RBM14: variants seen among roughly 807,000 people sequenced by gnomAD.
RBM14 encodes RNA-binding protein 14.
In RBM14, 5 loss-of-function variants were observed where a neutral mutation model predicts 52.8. That is an observed-to-expected ratio of 0.09 (90% CI 0.05 to 0.20). The LOEUF is 0.20. Ranked by LOEUF, RBM14 falls within the 10% of genes least tolerant of loss-of-function variation. The pLI, the probability that RBM14 is intolerant of heterozygous loss-of-function variation, is 1.00. For missense variants in RBM14, 780 were observed against 926.6 expected (o/e 0.84, Z 2.05); for synonymous variants, 411 against 401.8 (o/e 1.02, Z -0.28).
At position 66,618,247 on chromosome 11, in the gene RBM14, T is replaced by C. The variant is rs143799401; in HGVS notation, c.337+1190T>C. On this transcript the variant is annotated intron_variant, in intron 1 of 2. Transcript: ENST00000310137. ...TTGGAAGATGCAGCCTGGGAGTATC[T>C]GATGCCCTACTCCTGGTGGGTTCAT... Among the ~76,000 whole-genome samples the C allele has an allele frequency of 4.2e-3, 632 of 152,266 alleles. 4 individuals carry two copies. Among genetic ancestry groups the C allele is most frequent in the African/African-American group, 0.014 (598 of 41,544 alleles).
rs1937676359 is a variant in RBM14, at chr11:66,624,098, G to A, written c.338-116G>A. The A allele has an allele frequency of 1.3e-6, 2 of 1,515,084 alleles. No individual in the cohort carries two copies. Among genetic ancestry groups the A allele is most frequent in the African/African-American group, 1.4e-5 (1 of 72,080 alleles). The allele number at this position is 1,515,084 out of a possible 1,614,324, so 93.9% of individuals were successfully genotyped here. ...GACATACTCCTGGAGAGGAGGGTTT[G>A]GAGGCCTTGGAGGTAGCTGGCAACA... On this transcript the variant is annotated intron_variant, in intron 1 of 2. Coordinates refer to ENST00000310137, the MANE Select transcript of RBM14 (RefSeq NM_006328.4). This position sits in a 1 kb window ranked among gnomAD's most constrained non-coding sequence, Gnocchi z 4.7.
In RBM14 at chr11:66,626,658, G is replaced by A. The variant is rs933768154; in HGVS notation, c.2000G>A (p.Arg667His). 3.7e-6 allele frequency: 6 copies of A among 1,606,246 alleles called. No homozygotes were observed. Among genetic ancestry groups the A allele is most frequent in the South Asian group, 1.1e-5 (1 of 90,462 alleles). ...RAAQMHSGYQRRM is the reference protein window; with the variant it reads ...RAAQMHSGYQHRM ...GCTCAGATGCACTCTGGCTACCAGCGCCGCATGTAGGGCCATCCTGGGATG... is the reference window on the plus strand; with the variant it reads ...GCTCAGATGCACTCTGGCTACCAGCACCGCATGTAGGGCCATCCTGGGATG... Residue 667 changes from arginine (R) to histidine (H), a missense_variant, in exon 3 of 3, where the codon CGC becomes CAC. Coordinates refer to ENST00000310137, the MANE Select transcript of RBM14 (RefSeq NM_006328.4).
chr11:66,621,817 A>G (rs1859125373), intron 1 of RBM14, among the ~76,000 whole-genome samples: 1 of 152,158 alleles, frequency 6.6e-6, no homozygotes, highest in African/African-American at 2.4e-5. Flanking sequence ...CTTATTCTGT[A>G]GCTGTTCATA....
chr11:66,618,515 A>T (rs922162990), intron 1 of RBM14: 4 of 717,370 alleles, frequency 5.6e-6, no homozygotes, highest in Non-Finnish European at 1.0e-5. Flanking sequence ...GTCCACGACT[A>T]TCCGGAATCG....
At position 66,629,730 on chromosome 11, in the gene RBM14, A is replaced by T. The variant is rs1263367504; in HGVS notation, c.*3062A>T. The stretch of plus-strand genomic sequence containing the variant: ...AAAGTCTATAGTTTTCCAGAAAATA[A>T]TTCTTAAAACTGGGTTTTATGTCTA... On this transcript the variant is annotated 3_prime_UTR_variant, in exon 3 of 3. Coordinates refer to ENST00000310137, the MANE Select transcript of RBM14 (RefSeq NM_006328.4). Among the ~76,000 whole-genome samples the T allele has an allele frequency of 1.3e-5, 2 of 152,130 alleles. No homozygotes were observed. The highest frequency in any genetic ancestry group is 4.8e-5 in the African/African-American group (2 of 41,424).
chr11:66,621,295 A>G (rs1190350311), intron 1 of RBM14, among the ~76,000 whole-genome samples: 2 of 152,154 alleles, frequency 1.3e-5, no homozygotes, highest in African/African-American at 4.8e-5. Context: ...TGCCTAGGCC[A>G]AAGGAAACAC....
In RBM14 at chr11:66,624,654, G is replaced by A. The variant is rs1937703032; in HGVS notation, c.778G>A (p.Gly260Ser). The A allele has an allele frequency of 1.2e-6, 2 of 1,613,346 alleles. No individual in the cohort carries two copies. Among genetic ancestry groups the A allele is most frequent in the Non-Finnish European group, 1.7e-6 (2 of 1,179,938 alleles). Reference sequence around the variant, plus strand: ...CCAGCCTTCTGCCTCTTTGGGTGTTGGCTATCGGACTCAGCCCATGACAGC... The same window carrying A: ...CCAGCCTTCTGCCTCTTTGGGTGTTAGCTATCGGACTCAGCCCATGACAGC... ...RAQPSASLGV[G>S]YRTQPMTAQA... The change falls in exon 2 of 3, where the codon GGC becomes AGC. Residue 260 changes from glycine (G) to serine (S), a missense_variant. Gly to Ser is a moderately conservative substitution (Grantham distance 56, BLOSUM62 0). This residue lies in a region of RBM14 where 675 missense variants were observed against 697.3 expected (regional missense o/e 0.97). Coordinates refer to ENST00000310137, the MANE Select transcript of RBM14 (RefSeq NM_006328.4). The surrounding 1 kb of genome is among the most constrained non-coding windows in gnomAD (Gnocchi z 4.7).
At position 66,625,007 on chromosome 11, in the gene RBM14, C is replaced by T. The variant is rs372134176; in HGVS notation, c.1131C>T (p.Tyr377=). ...GAGCAGCTTCCTCCTTAGGCTCCTA[C>T]GGGGCTCAGGCAGCCTCCTATGGGG... The part of the protein sequence containing the change: ...TQGAASSLGS[Y]GAQAASYGAQ... Residue 377 remains tyrosine (Y), a synonymous_variant, in exon 2 of 3, where the codon TAC becomes TAT. Transcript: ENST00000310137. This position sits in a 1 kb window ranked among gnomAD's most constrained non-coding sequence, Gnocchi z 4.2. 52 of 1,613,512 alleles carry T rather than the reference C, an allele frequency of 3.2e-5. No individual in the cohort carries two copies. Among genetic ancestry groups the T allele is most frequent in the Admixed American group, 1.8e-4 (11 of 59,980 alleles).
chr11:66,624,218 C>T lies in RBM14; in HGVS notation c.342C>T (p.Tyr114=), dbSNP rs1312268793. 5.7e-6 allele frequency: 9 copies of T among 1,582,362 alleles called. No individual in the cohort carries two copies. The highest frequency in any genetic ancestry group is 4.5e-5 in the East Asian group (2 of 44,458). ...CTCTGTCTGCTGCTTTATCAGACTA[C>T]GCGTTTGTTCACATGGAGAAGGAAG... ...RVIECDVVKD[Y]AFVHMEKEAD... is the part of the protein sequence containing the mutation. The change falls in exon 2 of 3, where the codon TAC becomes TAT. Residue 114 remains tyrosine, a synonymous_variant. Coordinates refer to ENST00000310137, the MANE Select transcript of RBM14 (RefSeq NM_006328.4). This position sits in a 1 kb window ranked among gnomAD's most constrained non-coding sequence, Gnocchi z 4.7.
rs566035878 is a variant in RBM14 at position 66,624,528 on chromosome 11, C to A, written c.652C>A (p.Arg218Ser). Residue 218 changes from arginine (R) to serine (S), a missense_variant, in exon 2 of 3, where the codon CGC becomes AGC. Transcript: ENST00000310137. This position sits in a 1 kb window ranked among gnomAD's most constrained non-coding sequence, Gnocchi z 4.7. ...CTTTGGTCGCGACCGCAGCCCTCTG[C>A]GCCGTTCACCTCCCCGAGCCTCTTA... ...PFFGRDRSPL[R>S]RSPPRASYVA... 1 of 1,613,506 alleles carries A rather than the reference C, an allele frequency of 6.2e-7. No individual in the cohort carries two copies. The highest frequency in any genetic ancestry group is 1.3e-5 in the African/African-American group (1 of 75,038).
chr11:66,626,274 C>T (rs1173413546), intron 2 of RBM14, among the ~76,000 whole-genome samples, 187 bp from the exon 3 acceptor site: 1 of 152,188 alleles, frequency 6.6e-6, no homozygotes, highest in Non-Finnish European at 1.5e-5. Flanking sequence ...TGATTTCCCA[C>T]TGAGTTGAAG....
Position 66,626,551 on chromosome 11 carries a change from C to G in RBM14, c.1893C>G (p.Ser631=). 1 of 1,614,042 alleles carries G rather than the reference C, an allele frequency of 6.2e-7. No homozygotes were observed. Among genetic ancestry groups the G allele is most frequent in the Non-Finnish European group, 8.5e-7 (1 of 1,180,042 alleles). The part of the protein sequence containing the change: ...QLSFRRSPTK[S]SLDYRRLPDA... ...CGTTCCGCCGCTCGCCGACAAAGTC[C>G]TCGCTGGATTACCGTCGCCTGCCCG... Residue 631 remains serine, a synonymous_variant, in exon 3 of 3, where the codon TCC becomes TCG. Transcript: ENST00000310137.
Position 66,616,946 on chromosome 11 carries a change from C to T in RBM14, c.226C>T (p.Leu76Phe), listed in dbSNP as rs1235726833. The T allele has an allele frequency of 1.2e-6, 2 of 1,612,452 alleles. No homozygotes were observed. Among genetic ancestry groups the T allele is most frequent in the Non-Finnish European group, 8.5e-7 (1 of 1,179,640 alleles). Residue 76 changes from leucine (L) to phenylalanine (F), a missense_variant, in exon 1 of 3, where the codon CTT becomes TTT. By Grantham distance (22) the Leu-to-Phe change is conservative (BLOSUM62 0). Coordinates refer to ENST00000310137, the MANE Select transcript of RBM14 (RefSeq NM_006328.4). ...LVVEMSRPRPLNTWKIFVGNV... is the reference protein window; with the variant it reads ...LVVEMSRPRPFNTWKIFVGNV... Reference sequence around the variant, plus strand: ...GGTGGAGATGTCGCGCCCAAGGCCTCTTAATACTTGGAAGATTTTCGTGGG... The same window carrying T: ...GGTGGAGATGTCGCGCCCAAGGCCTTTTAATACTTGGAAGATTTTCGTGGG...
rs1342764803 is a variant in RBM14, at chr11:66,624,546, G to A, written c.670G>A (p.Ala224Thr). The A allele has an allele frequency of 6.2e-7, 1 of 1,613,076 alleles. No homozygotes were observed. The highest frequency in any genetic ancestry group is 1.7e-5 in the Admixed American group (1 of 60,020). Residue 224 changes from alanine to threonine, a missense_variant, in exon 2 of 3, where the codon GCC becomes ACC. Physicochemically the swap from Ala to Thr is moderately conservative, Grantham distance 58. Coordinates refer to ENST00000310137, the MANE Select transcript of RBM14 (RefSeq NM_006328.4). This position sits in a 1 kb window ranked among gnomAD's most constrained non-coding sequence, Gnocchi z 4.7. ...RSPLRRSPPR[A>T]SYVAPLTAQP... The stretch of plus-strand genomic sequence containing the variant: ...CCCTCTGCGCCGTTCACCTCCCCGA[G>A]CCTCTTATGTGGCTCCTCTGACGGC...
At chr11:66,626,406 C>G in intron 2 of RBM14, 55 bp from the exon 3 acceptor site, 1 of 1,530,284 alleles carries the variant, frequency 6.5e-7, no homozygotes, top group Admixed American at 1.7e-5. Flanking sequence ...CAATGCCCAC[C>G]TGGAGTCCTC....
chr11:66,622,686 T>C (rs556626093), intron 1 of RBM14, among the ~76,000 whole-genome samples: 127 of 152,370 alleles, frequency 8.3e-4, no homozygotes, highest in Admixed American at 4.6e-4. Flanking sequence ...CTTGTGTCAT[T>C]GTCTTCAAAT....
chr11:66,625,439 A>G lies in RBM14; in HGVS notation c.1563A>G (p.Ser521=). The G allele has an allele frequency of 1.9e-6, 3 of 1,613,596 alleles. No homozygotes were observed. The highest frequency in any genetic ancestry group is 2.5e-6 in the Non-Finnish European group (3 of 1,179,940). The change falls in exon 2 of 3, where the codon TCA becomes TCG. Residue 521 remains serine, a synonymous_variant. Coordinates refer to ENST00000310137, the MANE Select transcript of RBM14 (RefSeq NM_006328.4). The surrounding 1 kb of genome is among the most constrained non-coding windows in gnomAD (Gnocchi z 4.2). Reference sequence around the variant, plus strand: ...CAGCTCCTTACCGCACTCAGTCATCAGCCTCATTGGCTGCTTCCTATGCTG... The same window carrying G: ...CAGCTCCTTACCGCACTCAGTCATCGGCCTCATTGGCTGCTTCCTATGCTG... ...TLAAPYRTQS[S]ASLAASYAAQ...
Position 66,628,873 on chromosome 11 carries a change from A to G in RBM14, c.*2205A>G, listed in dbSNP as rs776018733. On this transcript the variant is annotated 3_prime_UTR_variant, in exon 3 of 3. Transcript: ENST00000310137. ...CTCAATCCCTTGGTTCCTGCAAAAA[A>G]CAGCTAAATGTGCTCTCAGGGCCAG... is the stretch of plus-strand genomic sequence containing the variant. Among the ~76,000 whole-genome samples, 1 of 152,134 alleles carries G rather than the reference A, an allele frequency of 6.6e-6. No homozygotes were observed. Among genetic ancestry groups the G allele is most frequent in the Non-Finnish European group, 1.5e-5 (1 of 68,020 alleles).
In RBM14 at chr11:66,616,691, G is replaced by C; in HGVS notation, c.-30G>C. The C allele has an allele frequency of 1.3e-6, 2 of 1,564,390 alleles. No homozygotes were observed. The highest frequency in any genetic ancestry group is 1.7e-6 in the Non-Finnish European group (2 of 1,149,304). ...GCCTGTCGCTGGAGGAGAGGTCCGG[G>C]CTCTCCAGGAAGGTGGCTGCGGCGA... On this transcript the variant is annotated 5_prime_UTR_variant, in exon 1 of 3. Coordinates refer to ENST00000310137, the MANE Select transcript of RBM14 (RefSeq NM_006328.4).
Sources: allele counts gnomAD v4.1 joint callset (sites outside exome capture counted in the v4.1 genomes callset), GRCh38; gene constraint gnomAD v4.1.1; regional missense constraint gnomAD v4.1.1; non-coding constraint Gnocchi (gnomAD v3.1); transcripts MANE v1.5; gene names NCBI Gene and HGNC (gene_info 2026-07-23, HGNC 2026-07-21).